The following ACAN variants were observed in gnomAD, a reference collection of about 807,000 sequenced individuals.
ACAN encodes the protein aggrecan.
In ACAN, 47 loss-of-function variants were observed where a neutral mutation model predicts 169.1. The ratio of observed to expected loss-of-function variants is 0.28; its 90% CI spans 0.22 to 0.35. The LOEUF is 0.35. Among genes scored for constraint, ACAN ranks in the 10% least tolerant of loss-of-function variants. The probability of loss-of-function intolerance (pLI) is 1.00; values close to 1 mark genes in which losing one functional copy is unlikely to be tolerated. For missense variants in ACAN, 2,716 were observed against 2,759.9 expected, an observed-to-expected ratio of 0.98 and a Z score of 0.36; for synonymous variants, 1,115 against 1,112.2, an observed-to-expected ratio of 1.00 and a Z score of -0.05.
chr15:88,868,131 A>G lies in ACAN; in HGVS notation c.6947-85A>G. On this transcript the variant is annotated intron_variant, in intron 13 of 18. Transcript: ENST00000560601. This position sits in a 1 kb window ranked among gnomAD's most constrained non-coding sequence, Gnocchi z 5.2. The stretch of plus-strand genomic sequence containing the variant: ...TCCCAGGGGTCTGGAGAGCAGCAGG[A>G]CTGGCCACTCAAAAGGAGGCCACAG... 1 of 658,988 alleles carries G rather than the reference A, an allele frequency of 1.5e-6. No homozygotes were observed. The highest frequency in any genetic ancestry group is 1.7e-5 in the South Asian group (1 of 58,792). The allele number at this position is 658,988 out of a possible 1,614,324, so 40.8% of individuals were successfully genotyped here. A position where few individuals can be genotyped will look rare whatever the true frequency, so the allele number is the denominator to read the frequency against.
At position 88,866,794 on chromosome 15, in the gene ACAN, T is replaced by C. The variant is rs954358640; in HGVS notation, c.6947-1422T>C. ...TCATCAGAAGGTTGACTTTAAGGTCTGGTCTGCTCTTATGGGAGGCAAGAA... is the reference window on the plus strand; with the variant it reads ...TCATCAGAAGGTTGACTTTAAGGTCCGGTCTGCTCTTATGGGAGGCAAGAA... On this transcript the variant is annotated intron_variant, in intron 13 of 18. Coordinates refer to ENST00000560601, the MANE Select transcript of ACAN (RefSeq NM_001369268.1). The surrounding 1 kb of genome is among the most constrained non-coding windows in gnomAD (Gnocchi z 5.6). Among the ~76,000 whole-genome samples the C allele has an allele frequency of 2.6e-5, 4 of 152,206 alleles. No individual in the cohort carries two copies. Among genetic ancestry groups the C allele is most frequent in the Non-Finnish European group, 5.9e-5 (4 of 68,030 alleles).
Position 88,807,912 on chromosome 15 carries a change from G to T in ACAN, c.-8+4103G>T, listed in dbSNP as rs1451190938. ...AAACTCATGAATAGGTGGATTTGGG[G>T]TGTGTGATGCTGGGCATCACGATTT... On this transcript the variant is annotated intron_variant, in intron 1 of 18. Transcript: ENST00000560601. This position sits in a 1 kb window ranked among gnomAD's most constrained non-coding sequence, Gnocchi z 4.0. 6.6e-6 allele frequency among the ~76,000 whole-genome samples: 1 copy of T among 152,082 alleles called. No homozygotes were observed. The highest frequency in any genetic ancestry group is 2.4e-5 in the African/African-American group (1 of 41,404).
At chr15:88,810,373 G>C (rs963777283) in intron 1 of ACAN, among the ~76,000 whole-genome samples, 1 of 152,070 alleles carries the variant, frequency 6.6e-6, no homozygotes, top group Non-Finnish European at 1.5e-5. Flanking sequence ...AAAACCTCTA[G>C]AAGAGAAACG....
At chr15:88,860,466 T>C in intron 13 of ACAN, 27 bp downstream of exon 13, 1 of 1,596,592 alleles carries the variant, frequency 6.3e-7, no homozygotes, top group Non-Finnish European at 8.6e-7. Flanking sequence ...CCGTGGAGAG[T>C]GAGGGCGGAG....
Position 88,871,267 on chromosome 15 carries a change from A to T in ACAN, c.7061-115A>T. The T allele has an allele frequency of 7.0e-7, 1 of 1,423,704 alleles. No homozygotes were observed. Among genetic ancestry groups the T allele is most frequent in the Non-Finnish European group, 9.6e-7 (1 of 1,043,096 alleles). 88.2% of individuals were successfully genotyped at this position (1,423,704 alleles called of 1,614,324 possible). On this transcript the variant is annotated intron_variant, in intron 14 of 18. Coordinates refer to ENST00000560601, the MANE Select transcript of ACAN (RefSeq NM_001369268.1). The surrounding 1 kb of genome is among the most constrained non-coding windows in gnomAD (Gnocchi z 7.8). The stretch of plus-strand genomic sequence containing the variant: ...CCAGCTGTGCCTCTCCCTTCCCTTG[A>T]GGGCACAGCATGGAAGGTGGGGTGA...
rs1231029355 is a variant in ACAN at position 88,871,720 on chromosome 15, G to C, written c.7219+180G>C. On this transcript the variant is annotated intron_variant, in intron 15 of 18. Coordinates refer to ENST00000560601, the MANE Select transcript of ACAN (RefSeq NM_001369268.1). This position sits in a 1 kb window ranked among gnomAD's most constrained non-coding sequence, Gnocchi z 7.8. ...GAGAAGACAACGGTCTTTGGGGCCAGAAGCTGTGGCTGCAGCCAGGGCAGA... is the reference window on the plus strand; with the variant it reads ...GAGAAGACAACGGTCTTTGGGGCCACAAGCTGTGGCTGCAGCCAGGGCAGA... Among the ~76,000 whole-genome samples, 2 of 152,244 alleles carry C rather than the reference G, an allele frequency of 1.3e-5. No individual in the cohort carries two copies. Among genetic ancestry groups the C allele is most frequent in the Non-Finnish European group, 2.9e-5 (2 of 68,036 alleles).
At chr15:88,819,600 C>A (rs1458959652) in intron 1 of ACAN, among the ~76,000 whole-genome samples, 452 of 110,762 alleles carry the variant, frequency 4.1e-3, no homozygotes, top group Admixed American at 4.7e-3. Flanking sequence ...CTCGTCTCTA[C>A]AAAAAAAAAA....
intron 4 of ACAN, among the ~76,000 whole-genome samples, chr15:88,841,093 C>T (rs1236206900): frequency 2.6e-5 from 4 of 152,144 alleles, no homozygotes; most frequent in South Asian, 2.1e-4. Context: ...TGCAGTGAGC[C>T]GAGATCGCGC....
chr15:88,847,412 C>T lies in ACAN; in HGVS notation c.1599C>T (p.Thr533=), dbSNP rs763276448. The T allele has an allele frequency of 3.2e-6, 5 of 1,572,180 alleles. No individual in the cohort carries two copies. Among genetic ancestry groups the T allele is most frequent in the African/African-American group, 1.3e-5 (1 of 74,244 alleles). ...ACGCCGGCTGGCTGCGGGACCAGACCGTCAGGTGAAGCCATGCTCCTCGCC... is the reference window on the plus strand; with the variant it reads ...ACGCCGGCTGGCTGCGGGACCAGACTGTCAGGTGAAGCCATGCTCCTCGCC... The part of the protein sequence containing the change: ...QCDAGWLRDQ[T]VRYPIVSPRT... The change falls in exon 8 of 19, where the codon ACC becomes ACT. Residue 533 remains threonine, a synonymous_variant. Coordinates refer to ENST00000560601, the MANE Select transcript of ACAN (RefSeq NM_001369268.1).
chr15:88,863,486 T>A (rs1897236651), intron 13 of ACAN, among the ~76,000 whole-genome samples: 1 of 152,206 alleles, frequency 6.6e-6, no homozygotes, highest in South Asian at 2.1e-4. Flanking sequence ...ATAGGAATAT[T>A]TTTAAAAACT....
chr15:88,859,400 C>A lies in ACAN; in HGVS notation c.6815C>A (p.Ser2272Ter). The stretch of plus-strand genomic sequence containing the variant: ...GCTTCTCCGGAATGGAAACGTGAAT[C>A]AGAATCAACTGCTGCAGGTATTGTG... ...IPASPEWKRE[S>*]ESTAAAPARS... Residue 2272 changes from serine to a stop codon, truncating the protein, a stop_gained, in exon 12 of 19, where the codon TCA becomes TAA. Transcript: ENST00000560601. LOFTEE classifies it high-confidence loss of function. The A allele has an allele frequency of 1.3e-6, 2 of 1,559,480 alleles. No individual in the cohort carries two copies. Among genetic ancestry groups the A allele is most frequent in the Non-Finnish European group, 1.7e-6 (2 of 1,151,486 alleles).
chr15:88,854,718 A>G (rs1897007793), intron 11 of ACAN, 134 bp from the exon 12 acceptor site: 2 of 954,514 alleles, frequency 2.1e-6, no homozygotes, highest in Non-Finnish European at 2.8e-6. Flanking sequence ...ATTAGAAAGC[A>G]TTTGGACACG....
chr15:88,834,084 C>G (rs1896439197), intron 1 of ACAN, among the ~76,000 whole-genome samples: 1 of 152,196 alleles, frequency 6.6e-6, no homozygotes, highest in Non-Finnish European at 1.5e-5. Context: ...TGAACCAGAG[C>G]CCCTCATGGT....
rs565443106 is a variant in ACAN, at chr15:88,849,183, C to T, written c.1733-255C>T. ...GTGGAAACAACTCAGCCCAGTTTTA[C>T]GGGAATTTTGCCTTTTTTGGCACCG... On this transcript the variant is annotated intron_variant, in intron 9 of 18. Transcript: ENST00000560601. The surrounding 1 kb of genome is among the most constrained non-coding windows in gnomAD (Gnocchi z 5.1). Among the ~76,000 whole-genome samples, 5 of 152,290 alleles carry T rather than the reference C, an allele frequency of 3.3e-5. No homozygotes were observed. The highest frequency in any genetic ancestry group is 7.3e-5 in the Non-Finnish European group (5 of 68,032).
In ACAN at chr15:88,870,533, C is replaced by T. The variant is rs1897355566; in HGVS notation, c.7061-849C>T. ...GTTTAAAGCTATCAACATGATGTCA[C>T]TGAAGGCGAGGTTGAGAGGAGACAC... On this transcript the variant is annotated intron_variant, in intron 14 of 18. Coordinates refer to ENST00000560601, the MANE Select transcript of ACAN (RefSeq NM_001369268.1). This position sits in a 1 kb window ranked among gnomAD's most constrained non-coding sequence, Gnocchi z 6.3. Among the ~76,000 whole-genome samples, 2 of 152,194 alleles carry T rather than the reference C, an allele frequency of 1.3e-5. No individual in the cohort carries two copies. Among genetic ancestry groups the T allele is most frequent in the African/African-American group, 2.4e-5 (1 of 41,450 alleles).
intron 8 of ACAN, among the ~76,000 whole-genome samples, chr15:88,847,636 C>T (rs1486190480): frequency 6.6e-6 from 1 of 152,206 alleles, no homozygotes; most frequent in Non-Finnish European, 1.5e-5. Context: ...GGCAGCAGCC[C>T]CCTCCTCAAG....
At position 88,843,699 on chromosome 15, in the gene ACAN, C is replaced by T; in HGVS notation, c.1051+51C>T. On this transcript the variant is annotated intron_variant, in intron 6 of 18. Transcript: ENST00000560601. This position sits in a 1 kb window ranked among gnomAD's most constrained non-coding sequence, Gnocchi z 4.0. ...GGAGTTCATGCCACTAAAATGGGGT[C>T]CTAGAGGGAAGAGGGGATCTTGGAA... 1 of 1,516,006 alleles carries T rather than the reference C, an allele frequency of 6.6e-7. No individual in the cohort carries two copies. The highest frequency in any genetic ancestry group is 1.3e-5 in the South Asian group (1 of 75,488). The allele number at this position is 1,516,006 out of a possible 1,614,324, so 93.9% of individuals were successfully genotyped here.
rs1896584393 is a variant in ACAN, at chr15:88,839,104, C to A, written c.454+58C>A. ...CACCCACATAAAGAACCAGAGCAGT[C>A]TCCGCAGTGCAGGCGCAGGCAGGCT... On this transcript the variant is annotated intron_variant, in intron 3 of 18. Transcript: ENST00000560601. This position sits in a 1 kb window ranked among gnomAD's most constrained non-coding sequence, Gnocchi z 4.5. The A allele has an allele frequency of 3.2e-6, 5 of 1,574,624 alleles. No individual in the cohort carries two copies. The East Asian group carries it at 1.1e-4, about 35-fold the overall frequency.
chr15:88,854,894 A>C lies in ACAN; in HGVS notation c.2309A>C (p.Glu770Ala). 1 of 1,539,414 alleles carries C rather than the reference A, an allele frequency of 6.5e-7. No individual in the cohort carries two copies. The change falls in exon 12 of 19, where the codon GAA (glutamate) becomes GCA (alanine). Residue 770 changes from glutamate (E) to alanine (A), a missense_variant. Coordinates refer to ENST00000560601, the MANE Select transcript of ACAN (RefSeq NM_001369268.1). ...CCTCCCACTGGCGCAGCAACAGAGGAAAGTACAGAAGGCCCTTCTGCAACT... is the reference window on the plus strand; with the variant it reads ...CCTCCCACTGGCGCAGCAACAGAGGCAAGTACAGAAGGCCCTTCTGCAACT... ...TWPPTGAATE[E>A]STEGPSATEV...
Sources: gnomAD v4.1 joint callset for allele counts (sites outside exome capture counted in the v4.1 genomes callset) on GRCh38, gnomAD v4.1.1 for gene constraint, Gnocchi (gnomAD v3.1) non-coding constraint, MANE v1.5 for transcripts, NCBI Gene and HGNC (gene_info 2026-07-23, HGNC 2026-07-21) for gene names.